PSMC6: variants seen among roughly 807,000 people sequenced by gnomAD.
PSMC6 encodes the protein 26S proteasome regulatory subunit 10B.
Under a neutral mutation model 55.9 loss-of-function variants are expected in PSMC6, and 3 were observed. The ratio of observed to expected loss-of-function variants is 0.05; its 90% CI spans 0.02 to 0.14. The LOEUF is 0.14. Among genes scored for constraint, PSMC6 ranks in the 10% least tolerant of loss-of-function variants. PSMC6 has a pLI of 1.00. For missense variants in PSMC6, 210 were observed against 478.7 expected, an observed-to-expected ratio of 0.44 and a Z score of 5.24; for synonymous variants, 137 against 155.9, an observed-to-expected ratio of 0.88 and a Z score of 0.90.
intron 7 of PSMC6, among the ~76,000 whole-genome samples, chr14:52,717,445 C>T (rs1179539100): frequency 1.3e-5 from 2 of 149,188 alleles, no homozygotes; most frequent in Admixed American, 1.4e-4. Context: ...AAGCGATTCT[C>T]CTGCCTCAGC....
chr14:52,719,323 C>T (rs554399853), intron 10 of PSMC6, among the ~76,000 whole-genome samples: 5 of 151,974 alleles, frequency 3.3e-5, no homozygotes, highest in South Asian at 4.1e-4. Flanking sequence ...TGTGATCTTG[C>T]GGTAGTTTTA....
At chr14:52,713,481 G>C (rs1430814252) in intron 6 of PSMC6, among the ~76,000 whole-genome samples, 2 of 152,082 alleles carry the variant, frequency 1.3e-5, no homozygotes, top group Non-Finnish European at 2.9e-5. Context: ...AACTAGTATA[G>C]ATCTTTTGAG....
At chr14:52,707,558 G>A (rs991882266) in intron 1 of PSMC6, 12 of 441,352 alleles carry the variant, frequency 2.7e-5, no homozygotes, top group Non-Finnish European at 4.5e-5. Flanking sequence ...TAGAGGAGGA[G>A]TGGGGAAGTG....
intron 7 of PSMC6, among the ~76,000 whole-genome samples, chr14:52,714,903 G>GCAAATGT (rs1168941478): frequency 7.0e-6 from 1 of 143,114 alleles, no homozygotes; most frequent in African/African-American, 2.6e-5. Flanking sequence ...TTTATATAAA[G>GCAAATGT]CAAATGTACC....
At chr14:52,720,794 T>A in intron 10 of PSMC6, 67 bp from the exon 11 acceptor site, 1 of 1,303,868 alleles carries the variant, frequency 7.7e-7, no homozygotes, top group Non-Finnish European at 1.1e-6. Flanking sequence ...ATTAGACATA[T>A]AAAAGGTGTG....
intron 6 of PSMC6, among the ~76,000 whole-genome samples, chr14:52,712,835 T>G (rs1007513747): frequency 6.6e-6 from 1 of 152,142 alleles, no homozygotes; most frequent in African/African-American, 2.4e-5. Flanking sequence ...CAGGCTCTTC[T>G]CGAACTCCTG....
At chr14:52,715,082 G>A (rs946569511) in intron 7 of PSMC6, among the ~76,000 whole-genome samples, 1 of 151,630 alleles carries the variant, frequency 6.6e-6, no homozygotes, top group Admixed American at 6.6e-5. Flanking sequence ...GGCATGAAAC[G>A]GTGCTAGTTA....
At position 52,711,241 on chromosome 14, in the gene PSMC6, T is replaced by C. The variant is rs1466819404; in HGVS notation, c.326+73T>C. On this transcript the variant is annotated intron_variant, in intron 5 of 13. Coordinates refer to ENST00000445930, the MANE Select transcript of PSMC6 (RefSeq NM_002806.5). ...GGTTTTTATCTGAGATATATGCTTC[T>C]TGAGATCACTGAATATTTTGGCACT... The C allele has an allele frequency of 5.7e-6, 8 of 1,414,326 alleles. No individual in the cohort carries two copies. The South Asian group carries it at 7.2e-5, about 13-fold the overall frequency. 87.6% of individuals were successfully genotyped at this position (1,414,326 alleles called of 1,614,324 possible).
At chr14:52,711,237 C>A in intron 5 of PSMC6, 69 bp downstream of exon 5, 1 of 1,429,560 alleles carries the variant, frequency 7.0e-7, no homozygotes, top group Non-Finnish European at 9.8e-7. Flanking sequence ...GAGATATATG[C>A]TTCTTGAGAT....
Position 52,707,346 on chromosome 14 carries a change from C to T in PSMC6, c.85+42C>T, listed in dbSNP as rs754737724. 4.3e-6 allele frequency: 7 copies of T among 1,610,374 alleles called. No individual in the cohort carries two copies. The Admixed American group carries it at 1.2e-4, about 27-fold the overall frequency. On this transcript the variant is annotated intron_variant, in intron 1 of 13. Coordinates refer to ENST00000445930, the MANE Select transcript of PSMC6 (RefSeq NM_002806.5). ...TTCCATTTAATCAAGTGCCTCGACT[C>T]GCTTCTGCCTCTGACAAAGCAGAAG...
chr14:52,711,818 T>C (rs1398557348), intron 6 of PSMC6, among the ~76,000 whole-genome samples: 1 of 152,228 alleles, frequency 6.6e-6, no homozygotes, highest in Non-Finnish European at 1.5e-5. Context: ...TGGTTTTGAT[T>C]ATCATAATAA....
chr14:52,714,711 C>T (rs2041811029), intron 7 of PSMC6, among the ~76,000 whole-genome samples: 1 of 151,548 alleles, frequency 6.6e-6, no homozygotes, highest in Non-Finnish European at 1.5e-5. Flanking sequence ...ACTAAAAATA[C>T]AAAAATGAGC....
At position 52,711,181 on chromosome 14, in the gene PSMC6, T is replaced by C. The variant is rs1406574741; in HGVS notation, c.326+13T>C. 3.1e-6 allele frequency: 5 copies of C among 1,600,040 alleles called. No individual in the cohort carries two copies. The highest frequency in any genetic ancestry group is 4.3e-6 in the Non-Finnish European group (5 of 1,168,082). ...TAACTATCATGAGGTGGGTTTCTTA[T>C]TCTATTTAGTTCACCTTTTATTTTC... On this transcript the variant is annotated intron_variant, in intron 5 of 13. Transcript: ENST00000445930.
intron 6 of PSMC6, among the ~76,000 whole-genome samples, chr14:52,713,451 G>T (rs2041796914): frequency 6.6e-6 from 1 of 151,926 alleles, no homozygotes; most frequent in Non-Finnish European, 1.5e-5. Context: ...GAATTATTTT[G>T]TGTTGTATTT....
chr14:52,712,740 ACCCT>A (rs1432902487), intron 6 of PSMC6, among the ~76,000 whole-genome samples: 2 of 151,280 alleles, frequency 1.3e-5, no homozygotes, highest in East Asian at 3.9e-4. Context: ...CTCTCACCTC[ACCCT>A]CCCAAGTAGC....
At chr14:52,724,454 C>A (rs1409195913) in intron 13 of PSMC6, among the ~76,000 whole-genome samples, 1 of 152,124 alleles carries the variant, frequency 6.6e-6, no homozygotes, top group Non-Finnish European at 1.5e-5. Flanking sequence ...ACACTGGCCC[C>A]CTAAAGTAAG....
At chr14:52,724,637 G>A (rs776854085) in intron 13 of PSMC6, among the ~76,000 whole-genome samples, 5 of 152,142 alleles carry the variant, frequency 3.3e-5, no homozygotes, top group Non-Finnish European at 7.4e-5. Context: ...GTAAAATGTA[G>A]TATTTAAATA....
rs570264274 is a variant in PSMC6 at position 52,708,614 on chromosome 14, G to C, written c.205+92G>C. The stretch of plus-strand genomic sequence containing the variant: ...TTATTATTTTAATGACAATAATGCA[G>C]AGAGAGAGAGTATTTTTGAATAGAC... On this transcript the variant is annotated intron_variant, in intron 3 of 13. Coordinates refer to ENST00000445930, the MANE Select transcript of PSMC6 (RefSeq NM_002806.5). 1.0e-5 allele frequency: 15 copies of C among 1,438,356 alleles called. No individual in the cohort carries two copies. The African/African-American group carries it at 2.0e-4, about 19-fold the overall frequency. The allele number at this position is 1,438,356 out of a possible 1,614,324, so 89.1% of individuals were successfully genotyped here.
intron 13 of PSMC6, among the ~76,000 whole-genome samples, chr14:52,726,331 A>C (rs1880409077): frequency 6.6e-6 from 1 of 152,260 alleles, no homozygotes; most frequent in Non-Finnish European, 1.5e-5. Context: ...TCAAATAAAA[A>C]TACCAATTTG....
Sources: allele counts gnomAD v4.1 joint callset (sites outside exome capture counted in the v4.1 genomes callset), GRCh38; gene constraint gnomAD v4.1.1; transcripts MANE v1.5; gene names NCBI Gene and HGNC (gene_info 2026-07-23, HGNC 2026-07-21).